Variants in RGMA observed in about 807,000 individuals in gnomAD.
RGMA encodes repulsive guidance molecule A.
Under a neutral mutation model 23.2 loss-of-function variants are expected in RGMA, and 10 were observed. That is an observed-to-expected ratio of 0.43 (90% confidence interval 0.27 to 0.73). The LOEUF is 0.73. Ranked by LOEUF, RGMA falls within the 30% of genes least tolerant of loss-of-function variation. The pLI, the probability that RGMA is intolerant of heterozygous loss-of-function variation, is 0.20. For missense variants in RGMA, 547 were observed against 630.5 expected (o/e 0.87, Z 1.42); for synonymous variants, 308 against 279.3 (o/e 1.10, Z -1.03).
intron 2 of RGMA, among the ~76,000 whole-genome samples, chr15:93,056,480 C>G (rs2055016540): frequency 6.6e-6 from 1 of 152,218 alleles, no homozygotes; most frequent in South Asian, 2.1e-4. Context: ...CCCACCCACT[C>G]TAAGAACAAG....
Position 93,038,620 on chromosome 15 carries a change from G to GCTGGAGTGCA in RGMA, c.*6368_*6377dup, listed in dbSNP as rs2054687684. 7.1e-6 allele frequency: 1 copy of GCTGGAGTGCA among 141,744 alleles called. No individual in the cohort carries two copies. Among genetic ancestry groups the GCTGGAGTGCA allele is most frequent in the Non-Finnish European group, 1.6e-5 (1 of 64,164 alleles). The allele number at this position is 141,744 out of a possible 1,614,324, so 8.8% of individuals were successfully genotyped here. On this transcript the variant is annotated 3_prime_UTR_variant, in exon 4 of 4. Transcript: ENST00000329082. ...TCTTGCTCTGTCGCCCAGGCTGGAG[G>GCTGGAGTGCA]CTGGAGTGCAGTGGTGCGATCTCTG...
intron 2 of RGMA, among the ~76,000 whole-genome samples, chr15:93,070,274 C>A (rs1039400754): frequency 6.6e-6 from 1 of 152,204 alleles, no homozygotes; most frequent in African/African-American, 2.4e-5. Context: ...TAACTATGTT[C>A]GATTTAATTT....
chr15:93,060,490 C>T (rs899365369), intron 2 of RGMA, among the ~76,000 whole-genome samples: 1 of 152,196 alleles, frequency 6.6e-6, no homozygotes, highest in African/African-American at 2.4e-5. Flanking sequence ...TCAGCTTAAG[C>T]GGTGATGCCC....
chr15:93,047,730 G>A (rs757648675), intron 3 of RGMA, among the ~76,000 whole-genome samples: 1 of 152,204 alleles, frequency 6.6e-6, no homozygotes, highest in Non-Finnish European at 1.5e-5. Flanking sequence ...TCTCTGCCTG[G>A]GCACTTGGGG....
intron 1 of RGMA, 77 bp downstream of exon 1, chr15:93,088,842 G>C: frequency 7.5e-7 from 1 of 1,330,610 alleles, no homozygotes; most frequent in Non-Finnish European, 1.0e-6. Flanking sequence ...CCAAAGCAGC[G>C]CCGTGGCCCC....
chr15:93,047,891 G>A (rs972164390), intron 3 of RGMA, among the ~76,000 whole-genome samples: 1 of 152,212 alleles, frequency 6.6e-6, no homozygotes, highest in African/African-American at 2.4e-5. Flanking sequence ...TGATGGGGAA[G>A]GGCAGGCAGG....
chr15:93,058,261 A>G (rs1004325316), intron 2 of RGMA, among the ~76,000 whole-genome samples: 6 of 152,194 alleles, frequency 3.9e-5, no homozygotes, highest in Non-Finnish European at 7.3e-5. Flanking sequence ...GGAGGGTCTC[A>G]CCGCAGCGGT....
chr15:93,074,202 T>G, intron 1 of RGMA: 1 of 222,144 alleles, frequency 4.5e-6, no homozygotes, highest in Non-Finnish European at 8.3e-6. Flanking sequence ...CTCCCAAGCC[T>G]GCCCATCTGG....
intron 1 of RGMA, among the ~76,000 whole-genome samples, chr15:93,074,652 G>A (rs190425443): frequency 1.6e-4 from 24 of 152,300 alleles, no homozygotes; most frequent in Admixed American, 5.9e-4. Flanking sequence ...ATTTCAGGAC[G>A]GGTCTGCAAA....
Position 93,045,261 on chromosome 15 carries a change from A to G in RGMA, c.1090T>C (p.Cys364Arg), listed in dbSNP as rs767355102. The G allele has an allele frequency of 6.2e-7, 1 of 1,612,344 alleles. No homozygotes were observed. The highest frequency in any genetic ancestry group is 1.3e-5 in the African/African-American group (1 of 74,606). ...TFPYETAVAK[C>R]KEKLPVEDLY... The stretch of plus-strand genomic sequence containing the variant: ...TCCTCCACCGGCAGCTTCTCCTTGC[A>G]CTTGGCCACGGCTGTCTCGTATGGG... Residue 364 changes from cysteine (C) to arginine (R), a missense_variant, in exon 4 of 4, where the codon TGC (cysteine) becomes CGC (arginine). Around this residue, in one of 3 missense-constraint regions of RGMA, gnomAD observed 205 missense variants for 204.1 expected, o/e 1.00. Transcript: ENST00000329082. The surrounding 1 kb of genome is among the most constrained non-coding windows in gnomAD (Gnocchi z 6.9).
At chr15:93,061,254 A>G (rs1263361615) in intron 2 of RGMA, among the ~76,000 whole-genome samples, 1 of 152,200 alleles carries the variant, frequency 6.6e-6, no homozygotes, top group African/African-American at 2.4e-5. Context: ...CCCAGGTTCA[A>G]GCAATTCTCC....
At chr15:93,085,298 G>A (rs1433164611) in intron 1 of RGMA, among the ~76,000 whole-genome samples, 1 of 152,202 alleles carries the variant, frequency 6.6e-6, no homozygotes, top group Non-Finnish European at 1.5e-5. Flanking sequence ...AAGTCAATGA[G>A]TTTTGGGGCG....
chr15:93,081,237 G>A (rs954269697), intron 1 of RGMA, among the ~76,000 whole-genome samples: 2 of 152,108 alleles, frequency 1.3e-5, no homozygotes, highest in South Asian at 2.1e-4. Context: ...CCAGGGATCC[G>A]GTGAATAGAT....
At position 93,074,120 on chromosome 15, in the gene RGMA, G is replaced by A. The variant is rs538501463; in HGVS notation, c.15-1089C>T. 516 of 797,900 alleles carry A rather than the reference G, an allele frequency of 6.5e-4. 6 individuals are homozygous for A. Among genetic ancestry groups the A allele is most frequent in the South Asian group, 6.3e-3 (176 of 27,954 alleles). The allele number at this position is 797,900 out of a possible 1,614,324, so 49.4% of individuals were successfully genotyped here. On this transcript the variant is annotated intron_variant, in intron 1 of 3. Transcript: ENST00000329082. ...TAACTTCCCCTGAGAGACATCTTTTGGATGAAACACAAATAGTCCTGAGCA... is the reference window on the plus strand; with the variant it reads ...TAACTTCCCCTGAGAGACATCTTTTAGATGAAACACAAATAGTCCTGAGCA...
At chr15:93,086,920 C>T (rs757060509) in intron 1 of RGMA, among the ~76,000 whole-genome samples, 1 of 152,182 alleles carries the variant, frequency 6.6e-6, no homozygotes, top group Non-Finnish European at 1.5e-5. Flanking sequence ...AAGGTGCCCT[C>T]CTTGAATGAG....
chr15:93,074,963 G>A (rs1427031488), intron 1 of RGMA, among the ~76,000 whole-genome samples: 2 of 152,188 alleles, frequency 1.3e-5, no homozygotes, highest in Admixed American at 6.5e-5. Flanking sequence ...ATTAACCACC[G>A]TCACTGCTGC....
intron 2 of RGMA, chr15:93,065,958 G>A (rs1895132052): frequency 2.3e-6 from 2 of 878,818 alleles, no homozygotes; most frequent in East Asian, 5.0e-5. Flanking sequence ...AGAAGGGTGG[G>A]GGGCGCCGTC....
rs202156779 is a variant in RGMA at position 93,045,312 on chromosome 15, G to A, written c.1039C>T (p.Pro347Ser). 132 of 1,611,826 alleles carry A rather than the reference G, an allele frequency of 8.2e-5. No homozygotes were observed. The African/African-American group carries it at 1.4e-3, about 17-fold the overall frequency. ...TGARRLAAAS[P>S]APTAPETFPY... is the part of the protein sequence containing the mutation. ...AAGGTCTCGGGGGCTGTGGGTGCAG[G>A]GCTGGCGGCTGCCAGCCTGCGGGCA... Residue 347 changes from proline to serine, a missense_variant, in exon 4 of 4, where the codon CCT becomes TCT. Around this residue, in one of 3 missense-constraint regions of RGMA, gnomAD observed 205 missense variants for 204.1 expected, o/e 1.00. Coordinates refer to ENST00000329082, the MANE Select transcript of RGMA (RefSeq NM_020211.3). This position sits in a 1 kb window ranked among gnomAD's most constrained non-coding sequence, Gnocchi z 6.9.
intron 1 of RGMA, among the ~76,000 whole-genome samples, chr15:93,075,818 CTTT>C (rs755683311): frequency 2.6e-4 from 40 of 152,112 alleles, no homozygotes; most frequent in African/African-American, 8.7e-4. Context: ...GCACAAAAGG[CTTT>C]TTTTCCCCCC....
Sources: allele counts gnomAD v4.1 joint callset (sites outside exome capture counted in the v4.1 genomes callset), GRCh38; gene constraint gnomAD v4.1.1; regional missense constraint gnomAD v4.1.1; non-coding constraint Gnocchi (gnomAD v3.1); transcripts MANE v1.5; gene names NCBI Gene and HGNC (gene_info 2026-07-23, HGNC 2026-07-21).